The following ACSL1 variants were observed in gnomAD, a reference collection of about 807,000 sequenced individuals.
ACSL1 encodes long-chain-fatty-acid--CoA ligase 1.
In ACSL1, 41 loss-of-function variants were observed where a neutral mutation model predicts 98.4. The observed-to-expected ratio is 0.42, with a 90% CI of 0.32 to 0.54. ACSL1 has a LOEUF of 0.54. ACSL1 is among the 20% of genes least tolerant of loss of function. The pLI is 0.13. For missense variants in ACSL1, 734 were observed against 883.1 expected (o/e 0.83, Z 2.14); for synonymous variants, 316 against 322.7 (o/e 0.98, Z 0.22).
Position 184,803,626 on chromosome 4 carries a change from CATCT to C in ACSL1, c.-32-84_-32-81del. 1.0e-6 allele frequency: 1 copy of C among 997,698 alleles called. No homozygotes were observed. The allele number at this position is 997,698 out of a possible 1,614,324, so 61.8% of individuals were successfully genotyped here. A position where few individuals can be genotyped will look rare whatever the true frequency, so the allele number is the denominator to read the frequency against. ...GAACTCCAAAATTCCACCGGCCAGC[CATCT>C]AATTGGGTAGCTGCTCGGCCAGTCC... is the stretch of plus-strand genomic sequence containing the variant. On this transcript the variant is annotated intron_variant, in intron 1 of 20. Coordinates refer to ENST00000281455, the MANE Select transcript of ACSL1 (RefSeq NM_001995.5). This position sits in a 1 kb window ranked among gnomAD's most constrained non-coding sequence, Gnocchi z 4.8.
At position 184,811,846 on chromosome 4, in the gene ACSL1, TTTAA is replaced by T. The variant is rs1191336687; in HGVS notation, c.-32-8304_-32-8301del. 6.1e-4 allele frequency among the ~76,000 whole-genome samples: 93 copies of T among 152,290 alleles called. 1 individual carries two copies. The highest frequency in any genetic ancestry group is 2.0e-3 in the African/African-American group (84 of 41,568). ...ATATATTTTACCACAATAAAAAAAGTTTAATTATTTTTAAAAATTGCTTAAGTGG... is the reference window on the plus strand; with the variant it reads ...ATATATTTTACCACAATAAAAAAAGTTTATTTTTAAAAATTGCTTAAGTGG... On this transcript the variant is annotated intron_variant, in intron 1 of 20. Transcript: ENST00000281455.
At chr4:184,786,927 C>T (rs1310470864) in intron 3 of ACSL1, among the ~76,000 whole-genome samples, 1 of 151,978 alleles carries the variant, frequency 6.6e-6, no homozygotes, top group Admixed American at 6.5e-5. Context: ...CTCCTGACCT[C>T]GTGACCTGCC....
At position 184,781,481 on chromosome 4, in the gene ACSL1, T is replaced by A. The variant is rs114521300; in HGVS notation, c.376-1048A>T. ...CATATTATAATAACTAAGTAAAAAT[T>A]GATAGGTTTGCAAAATTCAGCAGGG... On this transcript the variant is annotated intron_variant, in intron 4 of 20. Coordinates refer to ENST00000281455, the MANE Select transcript of ACSL1 (RefSeq NM_001995.5). Among the ~76,000 whole-genome samples, 1,516 of 152,206 alleles carry A rather than the reference T, an allele frequency of 1.0e-2. 36 individuals carry two copies. Among genetic ancestry groups the A allele is most frequent in the African/African-American group, 0.035 (1,453 of 41,540 alleles).
At chr4:184,785,750 G>A (rs1053773513) in intron 3 of ACSL1, among the ~76,000 whole-genome samples, 5 of 152,026 alleles carry the variant, frequency 3.3e-5, no homozygotes, top group Admixed American at 6.6e-5. Flanking sequence ...GGGAGCAAGC[G>A]ACCAAAGAAA....
At position 184,788,650 on chromosome 4, in the gene ACSL1, A is replaced by G; in HGVS notation, c.277T>C (p.Tyr93His). ...VYFYDDVTTLYEGFQRGIQVS... is the reference protein window; with the variant it reads ...VYFYDDVTTLHEGFQRGIQVS... ...TGTATTCCCCTCTGGAAACCTTCGT[A>G]TAATGTTGTGACATCATCATAGAAA... The change falls in exon 3 of 21, where the codon TAC (tyrosine) becomes CAC (histidine). Residue 93 changes from tyrosine (Y) to histidine (H), a missense_variant. Physicochemically the swap from Tyr to His is moderately conservative, Grantham distance 83. Coordinates refer to ENST00000281455, the MANE Select transcript of ACSL1 (RefSeq NM_001995.5). 1 of 1,614,198 alleles carries G rather than the reference A, an allele frequency of 6.2e-7. No individual in the cohort carries two copies.
chr4:184,771,988 A>G (rs1325554109), intron 10 of ACSL1, among the ~76,000 whole-genome samples: 1 of 152,190 alleles, frequency 6.6e-6, no homozygotes, highest in Non-Finnish European at 1.5e-5. Flanking sequence ...ATACTTTTCA[A>G]CTTTCTGACT....
rs528978272 is a variant in ACSL1, at chr4:184,808,267, T to G, written c.-32-4721A>C. 7.2e-6 allele frequency: 7 copies of G among 968,306 alleles called. No homozygotes were observed. In the East Asian group the frequency reaches 6.9e-4, roughly 95 times the overall value. 60.0% of individuals were successfully genotyped at this position (968,306 alleles called of 1,614,324 possible). ...CACACACACACACACACACTGCCCC[T>G]GCAACTCTGCAAACTTTTACTTACA... is the stretch of plus-strand genomic sequence containing the variant. On this transcript the variant is annotated intron_variant, in intron 1 of 20. Coordinates refer to ENST00000281455, the MANE Select transcript of ACSL1 (RefSeq NM_001995.5).
intron 12 of ACSL1, chr4:184,768,075 A>G: frequency 2.0e-6 from 1 of 488,586 alleles, no homozygotes. Context: ...GACCTCCCAC[A>G]TTATGCTTGT....
rs770596051 is a variant in ACSL1 at position 184,813,735 on chromosome 4, G to A, written c.-32-10189C>T. On this transcript the variant is annotated intron_variant, in intron 1 of 20. Coordinates refer to ENST00000281455, the MANE Select transcript of ACSL1 (RefSeq NM_001995.5). ...CTGGACTCAGCTAACCACAAAGTAA[G>A]CCCTGAAGCAAGAGACCACACCAGG... 8.8e-5 allele frequency: 37 copies of A among 422,056 alleles called. 2 individuals are homozygous for A. The highest frequency in any genetic ancestry group is 4.5e-5 in the Non-Finnish European group (9 of 200,300). 26.1% of individuals were successfully genotyped at this position (422,056 alleles called of 1,614,324 possible). A position where few individuals can be genotyped will look rare whatever the true frequency, so the allele number is the denominator to read the frequency against.
At chr4:184,793,482 C>T (rs928455815) in intron 2 of ACSL1, among the ~76,000 whole-genome samples, 19 of 152,318 alleles carry the variant, frequency 1.2e-4, no homozygotes, top group Admixed American at 1.2e-3. Flanking sequence ...AGTGCAAAAG[C>T]AAATGATGCC....
intron 1 of ACSL1, among the ~76,000 whole-genome samples, chr4:184,810,926 C>G (rs139025136): frequency 4.5e-4 from 69 of 152,266 alleles, no homozygotes; most frequent in Non-Finnish European, 9.0e-4. Flanking sequence ...GATCAGGAAA[C>G]TGTACAGGAG....
At chr4:184,819,073 A>AG (rs1366328888) in intron 1 of ACSL1, among the ~76,000 whole-genome samples, 3 of 151,684 alleles carry the variant, frequency 2.0e-5, no homozygotes, top group Non-Finnish European at 4.4e-5. Context: ...TCTGAGGAGC[A>AG]GGGCTCTGTG....
chr4:184,780,566 T>C (rs1209993863), intron 4 of ACSL1, 133 bp from the exon 5 acceptor site: 3 of 592,724 alleles, frequency 5.1e-6, no homozygotes, highest in Admixed American at 3.1e-5. Flanking sequence ...CATGCAGGTA[T>C]TCCTTTATTG....
intron 1 of ACSL1, among the ~76,000 whole-genome samples, chr4:184,820,230 G>A (rs1772955401): frequency 6.6e-6 from 1 of 152,182 alleles, no homozygotes; most frequent in Non-Finnish European, 1.5e-5. Flanking sequence ...TGTTAGCCAG[G>A]ATGGTCTTGA....
chr4:184,818,867 CA>C, intron 1 of ACSL1, among the ~76,000 whole-genome samples: 1 of 152,262 alleles, frequency 6.6e-6, no homozygotes, highest in East Asian at 1.9e-4. Context: ...AACAGGGCTC[CA>C]AAGTTCCTCT....
chr4:184,776,710 G>C (rs934758879), intron 6 of ACSL1, 48 bp from the exon 7 acceptor site: 1 of 1,577,032 alleles, frequency 6.3e-7, no homozygotes, highest in Non-Finnish European at 8.6e-7. Flanking sequence ...GATGTTAAAA[G>C]ATTCACTCTG....
intron 1 of ACSL1, chr4:184,805,578 GA>G (rs1259199444): frequency 1.1e-6 from 1 of 948,554 alleles, no homozygotes; most frequent in African/African-American, 1.8e-5. Flanking sequence ...TGCAGACACA[GA>G]AGAGGGCAAT....
Position 184,764,923 on chromosome 4 carries a change from A to G in ACSL1, c.1362T>C (p.Phe454=). 6.2e-7 allele frequency: 1 copy of G among 1,613,638 alleles called. No individual in the cohort carries two copies. Among genetic ancestry groups the G allele is most frequent in the East Asian group, 2.2e-5 (1 of 44,868 alleles). ...TFLRAALGCQ[F]YEGYGQTECT... is the part of the protein sequence containing the mutation. ...ACTCTGTCTGTCCGTATCCTTCATA[A>G]AACTGGGGCACCAAGAGATGCAACA... The change falls in exon 15 of 21, where the codon TTT becomes TTC. Residue 454 remains phenylalanine (F), a splice_region_variant and synonymous_variant. Coordinates refer to ENST00000281455, the MANE Select transcript of ACSL1 (RefSeq NM_001995.5).
chr4:184,785,028 C>A (rs572655515), intron 3 of ACSL1, among the ~76,000 whole-genome samples: 2 of 152,148 alleles, frequency 1.3e-5, no homozygotes, highest in South Asian at 4.1e-4. Context: ...CAGAGACGGG[C>A]GCACTGCAGC....
Sources: allele counts gnomAD v4.1 joint callset (sites outside exome capture counted in the v4.1 genomes callset), GRCh38; gene constraint gnomAD v4.1.1; non-coding constraint Gnocchi (gnomAD v3.1); transcripts MANE v1.5; gene names NCBI Gene and HGNC (gene_info 2026-07-23, HGNC 2026-07-21).